Variants in NAA60 observed in about 807,000 individuals in gnomAD.
The protein encoded by NAA60 is N-alpha-acetyltransferase 60, NatF catalytic subunit.
Under a neutral mutation model 26.1 loss-of-function variants are expected in NAA60, and 8 were observed. The ratio of observed to expected loss-of-function variants is 0.31; its 90% CI spans 0.18 to 0.55. NAA60 has a LOEUF of 0.55. Among genes scored for constraint, NAA60 ranks in the 20% least tolerant of loss-of-function variants. The pLI is 0.93. For missense variants in NAA60, 290 were observed against 311.3 expected (o/e 0.93, Z 0.51); for synonymous variants, 131 against 122.5 (o/e 1.07, Z -0.46).
Position 3,481,988 on chromosome 16 carries a change from C to T in NAA60, c.241-514C>T, listed in dbSNP as rs544528616. ...GGTGGGTGGCTTTACGCAGGTGTGG[C>T]GGTGTCCTCTGCCTGTGGGGGCAGC... On this transcript the variant is annotated intron_variant, in intron 4 of 7. Transcript: ENST00000407558. Among the ~76,000 whole-genome samples, 22 of 152,232 alleles carry T rather than the reference C, an allele frequency of 1.4e-4. 1 individual carries two copies. Among genetic ancestry groups the T allele is most frequent in the East Asian group, 5.8e-4 (3 of 5,176 alleles).
At chr16:3,445,386 G>T (rs1054744022) in intron 1 of NAA60, among the ~76,000 whole-genome samples, 14 of 149,770 alleles carry the variant, frequency 9.3e-5, no homozygotes, top group Non-Finnish European at 1.8e-4. Context: ...TGATTCTCCT[G>T]CCTAAGCCTC....
chr16:3,482,571 G>T lies in NAA60; in HGVS notation c.310G>T (p.Val104Leu). 6.2e-7 allele frequency: 1 copy of T among 1,607,908 alleles called. No individual in the cohort carries two copies. Among genetic ancestry groups the T allele is most frequent in the Non-Finnish European group, 8.5e-7 (1 of 1,177,252 alleles). Residue 104 changes from valine (V) to leucine (L), a missense_variant, in exon 5 of 8, where the codon GTG (valine) becomes TTG (leucine). Val to Leu is a conservative substitution (Grantham distance 32). Transcript: ENST00000407558. ...QVAYILSLGVVKEFRKHGIGS... is the reference protein window; with the variant it reads ...QVAYILSLGVLKEFRKHGIGS... ...CGCGTACATCCTAAGTCTGGGCGTC[G>T]TGAAAGAGTTCAGGAAGCACGGCAT... is the stretch of plus-strand genomic sequence containing the variant.
At chr16:3,446,349 A>T (rs12924090) in intron 1 of NAA60, among the ~76,000 whole-genome samples, 2 of 151,894 alleles carry the variant, frequency 1.3e-5, no homozygotes, top group Non-Finnish European at 2.9e-5. Context: ...GGCTAACACG[A>T]TGAAACCCCA....
chr16:3,473,445 T>C (rs2036277134), intron 2 of NAA60, among the ~76,000 whole-genome samples: 1 of 152,176 alleles, frequency 6.6e-6, no homozygotes. Flanking sequence ...TCGTGGGACT[T>C]ATTCACTACC....
chr16:3,476,549 GA>G (rs1307900876), intron 3 of NAA60, among the ~76,000 whole-genome samples: 3 of 152,218 alleles, frequency 2.0e-5, no homozygotes, highest in Non-Finnish European at 4.4e-5. Flanking sequence ...GAGTTCCCCA[GA>G]AGGGCTCTGT....
intron 2 of NAA60, among the ~76,000 whole-genome samples, chr16:3,470,675 G>A (rs1313668033): frequency 2.0e-5 from 3 of 152,354 alleles, no homozygotes; most frequent in East Asian, 3.9e-4. Flanking sequence ...TGGGGTTGGG[G>A]GGGGCCGCTG....
intron 2 of NAA60, among the ~76,000 whole-genome samples, chr16:3,462,284 A>C (rs930998661): frequency 2.0e-5 from 3 of 152,148 alleles, no homozygotes; most frequent in Non-Finnish European, 4.4e-5. Flanking sequence ...ATAAAATAGT[A>C]GTTGGGTAAT....
chr16:3,461,922 T>TA (rs925060128), intron 2 of NAA60, among the ~76,000 whole-genome samples: 4 of 151,826 alleles, frequency 2.6e-5, no homozygotes, highest in Admixed American at 1.3e-4. Context: ...ACTCCATCTC[T>TA]AAAAAAATAC....
chr16:3,485,902 G>A lies in NAA60; in HGVS notation c.*642G>A, dbSNP rs774240292. On this transcript the variant is annotated 3_prime_UTR_variant, in exon 8 of 8. Transcript: ENST00000407558. Reference sequence around the variant, plus strand: ...TCAGCCCCCTGGCACAGGCGGTCACGCATCAGGACGGTTCCTACTCCTCAG... The same window carrying A: ...TCAGCCCCCTGGCACAGGCGGTCACACATCAGGACGGTTCCTACTCCTCAG... 17 of 352,400 alleles carry A rather than the reference G, an allele frequency of 4.8e-5. No homozygotes were observed. The highest frequency in any genetic ancestry group is 1.0e-4 in the South Asian group (5 of 47,722). 21.8% of individuals were successfully genotyped at this position (352,400 alleles called of 1,614,324 possible).
intron 2 of NAA60, among the ~76,000 whole-genome samples, chr16:3,463,913 C>G (rs564177267): frequency 7.0e-4 from 107 of 152,298 alleles, no homozygotes; most frequent in Non-Finnish European, 1.3e-3. Flanking sequence ...ACAATGAAAA[C>G]AACCCAAGGT....
chr16:3,479,051 C>A (rs888028404), intron 3 of NAA60, among the ~76,000 whole-genome samples: 1 of 152,072 alleles, frequency 6.6e-6, no homozygotes, highest in African/African-American at 2.4e-5. Context: ...GCCTGACCAA[C>A]ATGGAGAAAC....
intron 1 of NAA60, chr16:3,447,676 A>G (rs2034609150): frequency 1.0e-6 from 1 of 976,012 alleles, no homozygotes; most frequent in South Asian, 4.7e-5. Context: ...ACTGGTGTTC[A>G]GAATGCTTGA....
At position 3,477,229 on chromosome 16, in the gene NAA60, G is replaced by A. The variant is rs565858707; in HGVS notation, c.110+892G>A. Among the ~76,000 whole-genome samples, 435 of 152,210 alleles carry A rather than the reference G, an allele frequency of 2.9e-3. 2 individuals are homozygous for A. The highest frequency in any genetic ancestry group is 5.2e-3 in the Non-Finnish European group (356 of 68,016). On this transcript the variant is annotated intron_variant, in intron 3 of 7. Transcript: ENST00000407558. Reference sequence around the variant, plus strand: ...TAACAGTGTTTCAGTATTTGAGGTGGGTAGATTAATATTAGGCCCTATGAT... The same window carrying A: ...TAACAGTGTTTCAGTATTTGAGGTGAGTAGATTAATATTAGGCCCTATGAT...
At position 3,485,547 on chromosome 16, in the gene NAA60, G is replaced by C. The variant is rs996392798; in HGVS notation, c.*287G>C. 4.6e-5 allele frequency: 21 copies of C among 454,932 alleles called. No homozygotes were observed. The highest frequency in any genetic ancestry group is 9.3e-5 in the Non-Finnish European group (21 of 225,998). The allele number at this position is 454,932 out of a possible 1,614,324, so 28.2% of individuals were successfully genotyped here. A position where few individuals can be genotyped will look rare whatever the true frequency, so the allele number is the denominator to read the frequency against. On this transcript the variant is annotated 3_prime_UTR_variant, in exon 8 of 8. Transcript: ENST00000407558. ...CCCCCCTGCGCATGCACCGTCCCCAGGGCTGACCCAGTGTGGCTGCATTCA... is the reference window on the plus strand; with the variant it reads ...CCCCCCTGCGCATGCACCGTCCCCACGGCTGACCCAGTGTGGCTGCATTCA...
In NAA60 at chr16:3,486,134, T is replaced by C; in HGVS notation, c.*874T>C. On this transcript the variant is annotated 3_prime_UTR_variant, in exon 8 of 8. Coordinates refer to ENST00000407558, the MANE Select transcript of NAA60 (RefSeq NM_001083601.3). Reference sequence around the variant, plus strand: ...TGAGCTCGACATTAGGCCTCAAGGCTGCCATCTGTCTTGTAGGGCCTGGCC... The same window carrying C: ...TGAGCTCGACATTAGGCCTCAAGGCCGCCATCTGTCTTGTAGGGCCTGGCC... 1 of 184,074 alleles carries C rather than the reference T, an allele frequency of 5.4e-6. No homozygotes were observed. The highest frequency in any genetic ancestry group is 1.2e-5 in the Non-Finnish European group (1 of 85,320). The allele number at this position is 184,074 out of a possible 1,614,324, so 11.4% of individuals were successfully genotyped here.
chr16:3,445,346 T>C (rs1258588786), intron 1 of NAA60, among the ~76,000 whole-genome samples: 1 of 149,222 alleles, frequency 6.7e-6, no homozygotes, highest in Admixed American at 6.8e-5. Flanking sequence ...CAATCCTGAC[T>C]CACTGCAACC....
At chr16:3,461,839 A>G (rs770115530) in intron 2 of NAA60, among the ~76,000 whole-genome samples, 2 of 152,200 alleles carry the variant, frequency 1.3e-5, no homozygotes, top group Admixed American at 6.5e-5. Context: ...ACAGGGGCCC[A>G]GCACTTTGGG....
intron 1 of NAA60, among the ~76,000 whole-genome samples, chr16:3,448,210 G>A (rs1451596171): frequency 1.3e-5 from 2 of 149,974 alleles, no homozygotes; most frequent in African/African-American, 2.5e-5. Flanking sequence ...GGAGTTCGAG[G>A]CTGCAGTGAG....
At chr16:3,481,195 G>A (rs1264368939) in intron 4 of NAA60, among the ~76,000 whole-genome samples, 1 of 151,812 alleles carries the variant, frequency 6.6e-6, no homozygotes, top group African/African-American at 2.4e-5. Flanking sequence ...TCCTGATCCC[G>A]GCTCACTGCA....
Sources: gnomAD v4.1 joint callset for allele counts (sites outside exome capture counted in the v4.1 genomes callset) on GRCh38, gnomAD v4.1.1 for gene constraint, MANE v1.5 for transcripts, NCBI Gene and HGNC (gene_info 2026-07-23, HGNC 2026-07-21) for gene names.